PRPF31: variants seen among roughly 807,000 people sequenced by gnomAD.
PRPF31 encodes pre-mRNA processing factor 31.
A neutral mutation model predicts 60.4 loss-of-function variants in PRPF31; 12 were observed. That is an observed-to-expected ratio of 0.20 (90% CI 0.13 to 0.32). The LOEUF (loss-of-function observed/expected upper bound fraction) is 0.32, where lower values mean the gene tolerates loss of function less well. PRPF31 is among the 10% of genes least tolerant of loss of function. PRPF31 has a pLI of 1.00. For missense variants in PRPF31, 431 were observed against 687.1 expected, an observed-to-expected ratio of 0.63 and a Z score of 4.17; for synonymous variants, 287 against 287.9, an observed-to-expected ratio of 1.00 and a Z score of 0.03.
chr19:54,126,341 G>C (rs587708770), intron 8 of PRPF31, among the ~76,000 whole-genome samples, 187 bp from the exon 9 acceptor site: 42 of 152,280 alleles, frequency 2.8e-4, no homozygotes, highest in South Asian at 1.9e-3. Flanking sequence ...ACATGGCTCT[G>C]TGCCCTGCCC....
rs2073866022 is a variant in PRPF31 at position 54,124,293 on chromosome 19, C to T, written c.698-206C>T. ...GGGGCCTCCTCCCTGCACCCCCAGG[C>T]CAGCTGCCCTCCCTCTCTGAGCCTC... On this transcript the variant is annotated intron_variant, in intron 7 of 13. Coordinates refer to ENST00000321030, the MANE Select transcript of PRPF31 (RefSeq NM_015629.4). 4.6e-6 allele frequency: 3 copies of T among 648,022 alleles called. No individual in the cohort carries two copies. The Admixed American group carries it at 7.8e-5, about 17-fold the overall frequency. The allele number at this position is 648,022 out of a possible 1,614,324, so 40.1% of individuals were successfully genotyped here. A position where few individuals can be genotyped will look rare whatever the true frequency, so the allele number is the denominator to read the frequency against.
In PRPF31 at chr19:54,131,696, A is replaced by G; in HGVS notation, c.*264A>G. ...GAGATTTTTTGAAAAGAGTACAATT[A>G]AAAGGACATTGTCAAGATCTGTCCT... On this transcript the variant is annotated 3_prime_UTR_variant, in exon 14 of 14. Coordinates refer to ENST00000321030, the MANE Select transcript of PRPF31 (RefSeq NM_015629.4). 1.7e-6 allele frequency: 1 copy of G among 572,626 alleles called. No homozygotes were observed. Among genetic ancestry groups the G allele is most frequent in the Non-Finnish European group, 3.1e-6 (1 of 320,028 alleles). The allele number at this position is 572,626 out of a possible 1,614,324, so 35.5% of individuals were successfully genotyped here. A position where few individuals can be genotyped will look rare whatever the true frequency, so the allele number is the denominator to read the frequency against.
chr19:54,130,128 G>A (rs1460249674), intron 13 of PRPF31, among the ~76,000 whole-genome samples: 4 of 121,164 alleles, frequency 3.3e-5, no homozygotes, highest in Admixed American at 1.6e-4. Flanking sequence ...CAGGCCGGGC[G>A]CAGACAGCTC....
intron 9 of PRPF31, among the ~76,000 whole-genome samples, chr19:54,126,946 T>C (rs2073936108): frequency 6.6e-6 from 1 of 152,144 alleles, no homozygotes; most frequent in African/African-American, 2.4e-5. Flanking sequence ...CTGGCCAACA[T>C]GGTGAAACCC....
chr19:54,116,308 G>T (rs1264795850), intron 1 of PRPF31, among the ~76,000 whole-genome samples: 1 of 151,856 alleles, frequency 6.6e-6, no homozygotes, highest in South Asian at 2.1e-4. Context: ...GGATTCAAGC[G>T]ATTCTCCTGC....
chr19:54,115,779 T>A lies in PRPF31; in HGVS notation c.-27T>A, dbSNP rs2073612578. On this transcript the variant is annotated 5_prime_UTR_variant, in exon 1 of 14. Coordinates refer to ENST00000321030, the MANE Select transcript of PRPF31 (RefSeq NM_015629.4). ...GGTGAGCGACTAACGCTAGAAACAG[T>A]GGTGCGCGGAGAGGAGAGGTGAGTG... 4.0e-6 allele frequency: 1 copy of A among 247,074 alleles called. No homozygotes were observed. Among genetic ancestry groups the A allele is most frequent in the African/African-American group, 2.2e-5 (1 of 45,132 alleles). 15.3% of individuals were successfully genotyped at this position (247,074 alleles called of 1,614,324 possible).
chr19:54,123,626 G>T (rs1011437193), intron 6 of PRPF31, 66 bp downstream of exon 6: 11 of 1,606,240 alleles, frequency 6.8e-6, no homozygotes, highest in Non-Finnish European at 9.4e-6. Flanking sequence ...AGCTACACAC[G>T]CAGGTGTACA....
At chr19:54,119,980 G>A (rs1418504249) in intron 3 of PRPF31, 43 of 152,228 alleles carry the variant, frequency 2.8e-4, no homozygotes, top group Admixed American at 2.8e-3. Flanking sequence ...TAGTGGAAGA[G>A]GCAGGCCAGG....
At chr19:54,118,840 T>G in intron 3 of PRPF31, 1 of 608,982 alleles carries the variant, frequency 1.6e-6, no homozygotes, top group South Asian at 2.0e-5. Context: ...TCCTGTGTGC[T>G]GAGCTTACTG....
intron 8 of PRPF31, chr19:54,125,347 C>T (rs142422713): frequency 0.04 from 6,133 of 154,242 alleles, 292 homozygotes; most frequent in African/African-American, 0.12. Context: ...ATACAAAAAA[C>T]TAGCTGGGTA....
intron 5 of PRPF31, 42 bp from the exon 6 acceptor site, chr19:54,123,412 C>T: frequency 6.7e-7 from 1 of 1,502,250 alleles, no homozygotes; most frequent in Non-Finnish European, 9.3e-7. Context: ...TCGAGCCTTC[C>T]TGAGTTCCCG....
Position 54,128,366 on chromosome 19 carries a change from A to G in PRPF31, c.1135A>G (p.Ser379Gly). The change falls in exon 11 of 14, where the codon AGC (serine) becomes GGC (glycine). Residue 379 changes from serine to glycine, a missense_variant. Coordinates refer to ENST00000321030, the MANE Select transcript of PRPF31 (RefSeq NM_015629.4). Reference protein sequence around the residue: ...TEIRKQANRMSFGEIEEDAYQ... With the variant: ...TEIRKQANRMGFGEIEEDAYQ... Reference sequence around the variant, plus strand: ...GATCCGGAAGCAGGCCAACCGTATGAGCTTCGGAGAGGTCAGACTCCCAGA... The same window carrying G: ...GATCCGGAAGCAGGCCAACCGTATGGGCTTCGGAGAGGTCAGACTCCCAGA... 1 of 1,541,484 alleles carries G rather than the reference A, an allele frequency of 6.5e-7. No homozygotes were observed. Among genetic ancestry groups the G allele is most frequent in the Non-Finnish European group, 8.7e-7 (1 of 1,144,196 alleles).
At position 54,122,808 on chromosome 19, in the gene PRPF31, C is replaced by T. The variant is rs587737702; in HGVS notation, c.420+214C>T. 58 of 640,998 alleles carry T rather than the reference C, an allele frequency of 9.0e-5. 1 individual carries two copies. In the South Asian group the frequency reaches 9.8e-4, roughly 11 times the overall value. 39.7% of individuals were successfully genotyped at this position (640,998 alleles called of 1,614,324 possible). ...CCCCAGTCTCCCGAGAGGGCTTCCC[C>T]GCTGGCCTGACCCACGCTGCTCCCG... On this transcript the variant is annotated intron_variant, in intron 5 of 13. Coordinates refer to ENST00000321030, the MANE Select transcript of PRPF31 (RefSeq NM_015629.4).
chr19:54,117,082 A>G (rs587722802), intron 1 of PRPF31, among the ~76,000 whole-genome samples: 1 of 152,096 alleles, frequency 6.6e-6, no homozygotes, highest in South Asian at 2.1e-4. Context: ...GTGACAGAGC[A>G]AGACATGGTC....
rs1176036521 is a variant in PRPF31 at position 54,128,506 on chromosome 19, C to CA, written c.1146+129_1146+130insA. On this transcript the variant is annotated intron_variant, in intron 11 of 13. Transcript: ENST00000321030. Reference sequence around the variant, plus strand: ...GTCTAGGGCGCTGCCCCAGCCTCCCCCCCCCCGGCCTCTATTCTCGTTTCC... The same window carrying CA: ...GTCTAGGGCGCTGCCCCAGCCTCCCCACCCCCCGGCCTCTATTCTCGTTTCC... The CA allele has an allele frequency of 6.5e-5, 61 of 940,688 alleles. 1 individual carries two copies. Among genetic ancestry groups the CA allele is most frequent in the African/African-American group, 4.0e-4 (24 of 59,616 alleles). 58.3% of individuals were successfully genotyped at this position (940,688 alleles called of 1,614,324 possible). A position where few individuals can be genotyped will look rare whatever the true frequency, so the allele number is the denominator to read the frequency against.
chr19:54,118,726 T>C (rs1227525944), intron 3 of PRPF31, 93 bp downstream of exon 3: 1 of 1,268,996 alleles, frequency 7.9e-7, no homozygotes, highest in African/African-American at 1.5e-5. Flanking sequence ...TATATCTCCT[T>C]CTCAGCCTTT....
intron 11 of PRPF31, 125 bp downstream of exon 11, chr19:54,128,502 T>TCCC (rs35858995): frequency 3.9e-5 from 32 of 815,848 alleles, no homozygotes; most frequent in Non-Finnish European, 5.2e-5. Flanking sequence ...TGCCCCAGCC[T>TCCC]CCCCCCCCCC....
At chr19:54,129,682 T>C (rs2074007776) in intron 13 of PRPF31, among the ~76,000 whole-genome samples, 1 of 139,858 alleles carries the variant, frequency 7.2e-6, no homozygotes. Flanking sequence ...GCCCTCCAGT[T>C]CAAAACGGCC....
In PRPF31 at chr19:54,128,509, C is replaced by A. The variant is rs1027111297; in HGVS notation, c.1146+132C>A. The A allele has an allele frequency of 1.1e-4, 105 of 946,016 alleles. 1 individual carries two copies. The highest frequency in any genetic ancestry group is 8.2e-4 in the African/African-American group (49 of 59,894). The allele number at this position is 946,016 out of a possible 1,614,324, so 58.6% of individuals were successfully genotyped here. ...TAGGGCGCTGCCCCAGCCTCCCCCC[C>A]CCCGGCCTCTATTCTCGTTTCCATC... On this transcript the variant is annotated intron_variant, in intron 11 of 13. Transcript: ENST00000321030.
Sources: gnomAD v4.1 joint callset for allele counts (sites outside exome capture counted in the v4.1 genomes callset) on GRCh38, gnomAD v4.1.1 for gene constraint, MANE v1.5 for transcripts, NCBI Gene and HGNC (gene_info 2026-07-23, HGNC 2026-07-21) for gene names.